ATP13A3: variants seen among roughly 807,000 people sequenced by gnomAD.
ATP13A3 encodes ATPase 13A3, also known as polyamine-transporting ATPase 13A3.
Under a neutral mutation model 158.1 loss-of-function variants are expected in ATP13A3, and 59 were observed. The observed-to-expected ratio is 0.37, with a 90% CI of 0.30 to 0.46. The LOEUF is 0.46. Among genes scored for constraint, ATP13A3 ranks in the 20% least tolerant of loss-of-function variants. The pLI is 1.00. For synonymous variants in ATP13A3, 491 were observed against 504.3 expected (o/e 0.97, Z 0.35); for missense variants, 1,166 against 1,525.2 (o/e 0.76, Z 3.92).
chr3:194,456,341 T>C (rs1719224426), intron 7 of ATP13A3, among the ~76,000 whole-genome samples: 1 of 151,992 alleles, frequency 6.6e-6, no homozygotes, highest in Non-Finnish European at 1.5e-5. Flanking sequence ...TTTTTTTTAA[T>C]ATTGCACTAA....
intron 2 of ATP13A3, among the ~76,000 whole-genome samples, chr3:194,492,990 T>C (rs1721163271): frequency 6.6e-6 from 1 of 152,110 alleles, no homozygotes; most frequent in African/African-American, 2.4e-5. Flanking sequence ...CCGGGCACAG[T>C]GGCAGGTGCC....
chr3:194,442,278 C>T (rs1241631459), intron 15 of ATP13A3, among the ~76,000 whole-genome samples: 4 of 152,152 alleles, frequency 2.6e-5, no homozygotes, highest in Admixed American at 6.5e-5. Flanking sequence ...AGAGTGTCAA[C>T]AGACATAACA....
intron 29 of ATP13A3, among the ~76,000 whole-genome samples, chr3:194,426,279 T>A (rs915331098): frequency 4.6e-5 from 7 of 152,066 alleles, no homozygotes; most frequent in African/African-American, 1.4e-4. Context: ...AAAGATAATA[T>A]CCCTCAGTCA....
chr3:194,462,561 G>A lies in ATP13A3; in HGVS notation c.-46-325C>T, dbSNP rs550497780. The stretch of plus-strand genomic sequence containing the variant: ...ATCTGAGACTGAACAGTTTCATCCC[G>A]AAACCATCCCTCCCCACCCGTAACT... On this transcript the variant is annotated intron_variant, in intron 2 of 33. Coordinates refer to ENST00000645319, the MANE Select transcript of ATP13A3 (RefSeq NM_001367549.1). Among the ~76,000 whole-genome samples the A allele has an allele frequency of 4.6e-5, 7 of 152,278 alleles. No individual in the cohort carries two copies. The South Asian group carries it at 8.3e-4, about 18-fold the overall frequency.
chr3:194,424,152 A>G (rs1361643518), intron 30 of ATP13A3, among the ~76,000 whole-genome samples: 1 of 151,858 alleles, frequency 6.6e-6, no homozygotes. Context: ...GCATGGTTCT[A>G]ATACAGTTCT....
chr3:194,461,557 G>GC (rs917455538), intron 3 of ATP13A3, among the ~76,000 whole-genome samples: 5 of 152,112 alleles, frequency 3.3e-5, no homozygotes, highest in Admixed American at 1.3e-4. Flanking sequence ...TTTCAGGTGA[G>GC]CCCCCCAACA....
At position 194,429,835 on chromosome 3, in the gene ATP13A3, C is replaced by T. The variant is rs536405097; in HGVS notation, c.2778-61G>A. The T allele has an allele frequency of 2.2e-4, 320 of 1,437,560 alleles. No homozygotes were observed. In the African/African-American group the frequency reaches 4.1e-3, roughly 18 times the overall value. The allele number at this position is 1,437,560 out of a possible 1,614,324, so 89.1% of individuals were successfully genotyped here. A position where few individuals can be genotyped will look rare whatever the true frequency, so the allele number is the denominator to read the frequency against. On this transcript the variant is annotated intron_variant, in intron 26 of 33. Coordinates refer to ENST00000645319, the MANE Select transcript of ATP13A3 (RefSeq NM_001367549.1). ...AAGCATTTTAAACTCCTTTTCCAAA[C>T]CACAATTTTATCTTGACAGATGAAC... is the stretch of plus-strand genomic sequence containing the variant.
chr3:194,451,461 G>A (rs1718801206), intron 10 of ATP13A3: 1 of 152,206 alleles, frequency 6.6e-6, no homozygotes, highest in South Asian at 2.1e-4. Flanking sequence ...GAAGATTCAA[G>A]TTGAATGGTA....
At chr3:194,446,903 A>T in intron 14 of ATP13A3, 24 bp downstream of exon 14, 2 of 1,554,750 alleles carry the variant, frequency 1.3e-6, no homozygotes, top group Non-Finnish European at 8.7e-7. Flanking sequence ...TAACCTTTGA[A>T]AGTAACTATG....
rs115493602 is a variant in ATP13A3 at position 194,444,610 on chromosome 3, G to A, written c.1559+115C>T. 1.1e-3 allele frequency: 841 copies of A among 800,564 alleles called. 14 individuals carry two copies. In the Admixed American group the frequency reaches 0.022, roughly 21 times the overall value. 49.6% of individuals were successfully genotyped at this position (800,564 alleles called of 1,614,324 possible). On this transcript the variant is annotated intron_variant, in intron 15 of 33. Coordinates refer to ENST00000645319, the MANE Select transcript of ATP13A3 (RefSeq NM_001367549.1). ...GAAGCAAATATGGCAACATGTCCAC[G>A]GTTTAATCCTGGTATAGGTACACAG...
In ATP13A3 at chr3:194,437,189, C is replaced by CA; in HGVS notation, c.2025_2026insT (p.Glu676Ter). Reference sequence around the variant, plus strand: ...CGGAAGCCCTGTTTAGTGAAGTCTTCCAAAACGTTTTGAAAATCGACAGGA... The same window carrying CA: ...CGGAAGCCCTGTTTAGTGAAGTCTTCACAAAACGTTTTGAAAATCGACAGGA... On this transcript the variant is annotated frameshift_variant, in exon 20 of 34. Coordinates refer to ENST00000645319, the MANE Select transcript of ATP13A3 (RefSeq NM_001367549.1). LOFTEE classifies it high-confidence loss of function. 1 of 1,614,004 alleles carries CA rather than the reference C, an allele frequency of 6.2e-7. No individual in the cohort carries two copies. The highest frequency in any genetic ancestry group is 8.5e-7 in the Non-Finnish European group (1 of 1,179,968).
chr3:194,410,316 A>AC (rs1553794163), intron 33 of ATP13A3, among the ~76,000 whole-genome samples: 3 of 145,472 alleles, frequency 2.1e-5, no homozygotes, highest in African/African-American at 5.1e-5. Context: ...AAAAAAAAAA[A>AC]AAAAAAAAAA....
At chr3:194,444,545 C>T (rs562630891) in intron 15 of ATP13A3, among the ~76,000 whole-genome samples, 180 bp downstream of exon 15, 13 of 152,192 alleles carry the variant, frequency 8.5e-5, no homozygotes, top group Non-Finnish European at 1.5e-4. Context: ...GGGACTTTGG[C>T]AACTTCTATA....
chr3:194,413,746 T>C lies in ATP13A3; in HGVS notation c.3483+13A>G, dbSNP rs772693813. Reference sequence around the variant, plus strand: ...AAGCAACATGGTAGCCATTTGACTATGGAAGTGCTTACCTCCACTGTGATA... The same window carrying C: ...AAGCAACATGGTAGCCATTTGACTACGGAAGTGCTTACCTCCACTGTGATA... On this transcript the variant is annotated intron_variant, in intron 32 of 33. Transcript: ENST00000645319. 8 of 1,604,080 alleles carry C rather than the reference T, an allele frequency of 5.0e-6. No individual in the cohort carries two copies. The highest frequency in any genetic ancestry group is 1.3e-5 in the African/African-American group (1 of 74,828).
At chr3:194,434,772 T>C (rs905777528) in intron 20 of ATP13A3, among the ~76,000 whole-genome samples, 1 of 151,948 alleles carries the variant, frequency 6.6e-6, no homozygotes, top group Non-Finnish European at 1.5e-5. Flanking sequence ...AAAAAACAAT[T>C]AGCTGGGCAT....
chr3:194,421,159 A>AAAC (rs367707956), intron 30 of ATP13A3, among the ~76,000 whole-genome samples: 2 of 49,374 alleles, frequency 4.1e-5, no homozygotes, highest in African/African-American at 2.1e-4. Flanking sequence ...ATATATATAT[A>AAAC]TATATATATA....
chr3:194,450,484 A>G (rs1167438270), intron 10 of ATP13A3: 9 of 514,270 alleles, frequency 1.8e-5, no homozygotes, highest in Non-Finnish European at 3.1e-5. Flanking sequence ...CTGCTAGGAC[A>G]CCAGCTGTGC....
At chr3:194,479,464 GAAAC>G (rs1268870390) in intron 2 of ATP13A3, among the ~76,000 whole-genome samples, 1 of 151,502 alleles carries the variant, frequency 6.6e-6, no homozygotes, top group Non-Finnish European at 1.5e-5. Context: ...AAAAAAAGGA[GAAAC>G]AAGGAAACTA....
intron 2 of ATP13A3, among the ~76,000 whole-genome samples, chr3:194,466,164 C>T (rs1011481766): frequency 5.3e-5 from 8 of 152,016 alleles, no homozygotes; most frequent in African/African-American, 1.4e-4. Context: ...AAGGTCATGA[C>T]CTCAGCTTCC....
Sources: allele counts gnomAD v4.1 joint callset (sites outside exome capture counted in the v4.1 genomes callset), GRCh38; gene constraint gnomAD v4.1.1; transcripts MANE v1.5; gene names NCBI Gene and HGNC (gene_info 2026-07-23, HGNC 2026-07-21).